CLCN5: variants seen among roughly 807,000 people sequenced by gnomAD.
CLCN5 encodes Cl-/H+ antiporter 5, also known as H(+)/Cl(-) exchange transporter 5.
In CLCN5, 17 loss-of-function variants were observed where a neutral mutation model predicts 54.0. The ratio of observed to expected loss-of-function variants is 0.31; its 90% confidence interval spans 0.22 to 0.47. The LOEUF is 0.47. Among genes scored for constraint, CLCN5 ranks in the 20% least tolerant of loss-of-function variants. CLCN5 has a pLI of 1.00. For synonymous variants in CLCN5, 222 were observed against 233.0 expected, an observed-to-expected ratio of 0.95 and a Z score of 0.43; for missense variants, 448 against 646.7, an observed-to-expected ratio of 0.69 and a Z score of 3.33.
chrX:50,017,160 G>A (rs1312736884), intron 3 of CLCN5, among the ~76,000 whole-genome samples: 1 of 111,473 alleles, frequency 9.0e-6, no homozygotes, highest in African/African-American at 3.3e-5. Flanking sequence ...AGTGTTGCTG[G>A]ATCATATGGT....
At chrX:49,966,608 T>TG (rs1227561410) in intron 3 of CLCN5, among the ~76,000 whole-genome samples, 1 of 21,133 alleles carries the variant, frequency 4.7e-5, no homozygotes, top group Non-Finnish European at 7.2e-5. Flanking sequence ...TTTTTTTTTT[T>TG]TTTATTTTTT....
At chrX:50,057,934 A>C (rs1189040446) in intron 4 of CLCN5, among the ~76,000 whole-genome samples, 10 of 110,926 alleles carry the variant, frequency 9.0e-5, no homozygotes, top group African/African-American at 3.3e-4. Context: ...GAACCAGTAC[A>C]AGAAGGGAAG....
chrX:49,997,557 A>C (rs993949796), intron 3 of CLCN5, among the ~76,000 whole-genome samples: 1 of 111,001 alleles, frequency 9.0e-6, no homozygotes, highest in Non-Finnish European at 1.9e-5. Flanking sequence ...ACAGGGTCTC[A>C]CTCCATTGCC....
chrX:50,097,692 T>C lies in CLCN5; in HGVS notation c.*5473T>C, dbSNP rs1277302724. 9.0e-6 allele frequency: 1 copy of C among 111,432 alleles called. No homozygotes were observed. The highest frequency in any genetic ancestry group is 1.9e-5 in the Non-Finnish European group (1 of 53,091). The allele number at this position is 111,432 out of a possible 1,213,427, so 9.2% of individuals were successfully genotyped here. A position where few individuals can be genotyped will look rare whatever the true frequency, so the allele number is the denominator to read the frequency against. On this transcript the variant is annotated 3_prime_UTR_variant, in exon 15 of 15. Transcript: ENST00000376091. ...TTTATTATAGGCATGTTGTTTTGAA[T>C]GTGGACTTTGTGGGAGGGAGAGGAT...
intron 3 of CLCN5, among the ~76,000 whole-genome samples, chrX:49,965,465 T>G (rs1927795074): frequency 8.9e-6 from 1 of 112,150 alleles, no homozygotes; most frequent in South Asian, 3.7e-4. Flanking sequence ...AATTCATTTT[T>G]TACATTAACC....
intron 3 of CLCN5, among the ~76,000 whole-genome samples, chrX:50,030,563 C>T (rs187963817): frequency 9.9e-4 from 110 of 111,442 alleles, no homozygotes; most frequent in Non-Finnish European, 1.7e-3. Flanking sequence ...TTTCTTGTAC[C>T]GTGTTAAATA....
At chrX:50,054,264 T>C (rs1009379872) in intron 4 of CLCN5, among the ~76,000 whole-genome samples, 2 of 111,480 alleles carry the variant, frequency 1.8e-5, no homozygotes, top group Admixed American at 9.6e-5. Flanking sequence ...CTGCACCTTG[T>C]TGAGTATGTT....
At chrX:50,028,451 G>C (rs1557185342) in intron 3 of CLCN5, among the ~76,000 whole-genome samples, 2 of 111,708 alleles carry the variant, frequency 1.8e-5, no homozygotes, top group East Asian at 2.8e-4. Context: ...TTAAGCTTTT[G>C]AGCTTATCCA....
At chrX:50,080,093 AC>A (rs1321795888) in intron 7 of CLCN5, among the ~76,000 whole-genome samples, 1 of 111,155 alleles carries the variant, frequency 9.0e-6, no homozygotes, top group Non-Finnish European at 1.9e-5. Flanking sequence ...AAAGCCAAAC[AC>A]CCAAAATTTT....
intron 3 of CLCN5, among the ~76,000 whole-genome samples, chrX:49,994,918 G>A (rs1382756936): frequency 4.5e-5 from 5 of 111,707 alleles, no homozygotes; most frequent in African/African-American, 6.5e-5. Context: ...TTAGCCTCTC[G>A]CTCTTGAGGC....
intron 3 of CLCN5, among the ~76,000 whole-genome samples, chrX:49,982,321 AAGGG>A (rs782584537): frequency 1.1e-4 from 12 of 109,867 alleles, no homozygotes; most frequent in African/African-American, 4.0e-4. Context: ...TAATTCAATC[AAGGG>A]CCACTGACCC....
rs1685444964 is a variant in CLCN5, at chrX:50,088,550, A to G, written c.1558-148A>G. 5.4e-6 allele frequency: 3 copies of G among 550,937 alleles called. No individual in the cohort carries two copies. The African/African-American group carries it at 6.6e-5, about 12-fold the overall frequency. 45.4% of individuals were successfully genotyped at this position (550,937 alleles called of 1,213,427 possible). ...GAACCTCTAGTCCCTGTAGTGTTAC[A>G]CACACCTTTACAGCCACTTGCTAGC... is the stretch of plus-strand genomic sequence containing the variant. On this transcript the variant is annotated intron_variant, in intron 11 of 14. Coordinates refer to ENST00000376091, the MANE Select transcript of CLCN5 (RefSeq NM_001127898.4).
intron 3 of CLCN5, among the ~76,000 whole-genome samples, chrX:50,026,905 T>C (rs1319039941): frequency 1.8e-5 from 2 of 112,028 alleles, no homozygotes; most frequent in Non-Finnish European, 3.8e-5. Context: ...TCCTCCTTAG[T>C]GTTCTGTGAG....
In CLCN5 at chrX:50,093,615, A is replaced by G. The variant is rs1483317555; in HGVS notation, c.*1396A>G. 1.8e-5 allele frequency: 2 copies of G among 111,660 alleles called. No individual in the cohort carries two copies. The highest frequency in any genetic ancestry group is 3.8e-5 in the Non-Finnish European group (2 of 53,044). 9.2% of individuals were successfully genotyped at this position (111,660 alleles called of 1,213,427 possible). On this transcript the variant is annotated 3_prime_UTR_variant, in exon 15 of 15. Transcript: ENST00000376091. ...CACTTGGTGGAATTACAGAGCCACC[A>G]TCATCATTCCAACCACTATTTCATT...
At chrX:50,064,254 T>G (rs185509431) in intron 4 of CLCN5, among the ~76,000 whole-genome samples, 3,987 of 110,416 alleles carry the variant, frequency 0.036, 208 homozygotes, top group African/African-American at 0.13. Flanking sequence ...TGTATATCTA[T>G]AAAACCCCGT....
At chrX:50,042,499 T>C in intron 4 of CLCN5, 37 bp downstream of exon 4, 1 of 923,816 alleles carries the variant, frequency 1.1e-6, no homozygotes, top group Non-Finnish European at 1.4e-6. Flanking sequence ...TCTTAATTTT[T>C]TAAAATTTAT....
rs1019905350 is a variant in CLCN5 at position 50,098,666 on chromosome X, T to C, written c.*6447T>C. On this transcript the variant is annotated 3_prime_UTR_variant, in exon 15 of 15. Transcript: ENST00000376091. The stretch of plus-strand genomic sequence containing the variant: ...TCAACCAAAGCTAATAGAGCCCAAG[T>C]TTCCGCAGGAAGTTTGGTGCTGAGC... 1 of 112,968 alleles carries C rather than the reference T, an allele frequency of 8.9e-6. No individual in the cohort carries two copies. The highest frequency in any genetic ancestry group is 3.7e-4 in the South Asian group (1 of 2,729). 9.3% of individuals were successfully genotyped at this position (112,968 alleles called of 1,213,427 possible). A position where few individuals can be genotyped will look rare whatever the true frequency, so the allele number is the denominator to read the frequency against.
At chrX:49,948,792 T>C (rs1926888146) in intron 3 of CLCN5, among the ~76,000 whole-genome samples, 1 of 111,539 alleles carries the variant, frequency 9.0e-6, no homozygotes. Flanking sequence ...GGTCAGTAAA[T>C]TAAAGCCAGG....
chrX:50,044,542 G>C (rs1932330183), intron 4 of CLCN5, among the ~76,000 whole-genome samples: 2 of 111,919 alleles, frequency 1.8e-5, no homozygotes. Context: ...GTGCAAGTGG[G>C]CTGAGTCCGA....
Sources: allele counts gnomAD v4.1 joint callset (sites outside exome capture counted in the v4.1 genomes callset), GRCh38; gene constraint gnomAD v4.1.1; transcripts MANE v1.5; gene names NCBI Gene and HGNC (gene_info 2026-07-23, HGNC 2026-07-21).